KIAA1217: variants seen among roughly 807,000 people sequenced by gnomAD.
KIAA1217 encodes the protein KIAA1217.
A neutral mutation model predicts 163.9 loss-of-function variants in KIAA1217; 88 were observed. The observed-to-expected ratio is 0.54, with a 90% CI of 0.45 to 0.64. The LOEUF is 0.64. Among genes scored for constraint, KIAA1217 ranks in the 30% least tolerant of loss-of-function variants. The probability of loss-of-function intolerance (pLI) is 0.00; values close to 1 mark genes in which losing one functional copy is unlikely to be tolerated. For synonymous variants in KIAA1217, 903 were observed against 923.1 expected (o/e 0.98, Z 0.39); for missense variants, 2,372 against 2,475.0 (o/e 0.96, Z 0.88).
chr10:23,731,053 C>T (rs1163645429), intron 1 of KIAA1217, among the ~76,000 whole-genome samples: 1 of 152,160 alleles, frequency 6.6e-6, no homozygotes. Context: ...TAAGAGGGAA[C>T]ATGTCTTTTA....
intron 2 of KIAA1217, among the ~76,000 whole-genome samples, chr10:24,085,767 G>A (rs1245313825): frequency 2.0e-5 from 3 of 152,100 alleles, no homozygotes; most frequent in African/African-American, 4.8e-5. Context: ...GAGCCCAGGA[G>A]TTTGAGAGCA....
intron 2 of KIAA1217, among the ~76,000 whole-genome samples, chr10:24,076,140 T>C (rs1680867613): frequency 6.6e-6 from 1 of 152,168 alleles, no homozygotes; most frequent in Admixed American, 6.5e-5. Context: ...CCAAGGCAGA[T>C]ATTGGGCTGC....
At chr10:23,857,088 A>G (rs59100149) in intron 1 of KIAA1217, among the ~76,000 whole-genome samples, 1 of 152,076 alleles carries the variant, frequency 6.6e-6, no homozygotes, top group Non-Finnish European at 1.5e-5. Context: ...TGCAGAAATC[A>G]CCCGTCTTCT....
intron 3 of KIAA1217, among the ~76,000 whole-genome samples, chr10:24,404,622 C>A (rs1235682730): frequency 2.0e-5 from 3 of 146,906 alleles, no homozygotes; most frequent in Admixed American, 6.8e-5. Context: ...TGGGACCCAG[C>A]AACTGCAGTC....
At position 24,175,383 on chromosome 10, in the gene KIAA1217, C is replaced by T. The variant is rs117577558; in HGVS notation, c.-170-44243C>T. Among the ~76,000 whole-genome samples, 24 of 152,204 alleles carry T rather than the reference C, an allele frequency of 1.6e-4. No homozygotes were observed. In the East Asian group the frequency reaches 4.5e-3, roughly 28 times the overall value. On this transcript the variant is annotated intron_variant, in intron 2 of 18. Transcript: ENST00000376462. ...ATGATCTCCAATTCCATCCAGGTAGCTGTGAATGCCATTATTTCACTCCTT... is the reference window on the plus strand; with the variant it reads ...ATGATCTCCAATTCCATCCAGGTAGTTGTGAATGCCATTATTTCACTCCTT...
intron 1 of KIAA1217, among the ~76,000 whole-genome samples, chr10:23,953,318 A>T (rs1844420971): frequency 6.6e-6 from 1 of 152,208 alleles, no homozygotes; most frequent in African/African-American, 2.4e-5. Flanking sequence ...GTCAATAACG[A>T]TTCTCCTCCA....
At position 24,499,981 on chromosome 10, in the gene KIAA1217, G is replaced by A. The variant is rs184932325; in HGVS notation, c.1835-1398G>A. On this transcript the variant is annotated intron_variant, in intron 8 of 20. Coordinates refer to ENST00000376454, the MANE Select transcript of KIAA1217 (RefSeq NM_019590.5). Reference sequence around the variant, plus strand: ...AGTTTCAGGGAGCTCCCTGGCTCATGAGCCACTTTGAGCTCCACTGGGGCC... The same window carrying A: ...AGTTTCAGGGAGCTCCCTGGCTCATAAGCCACTTTGAGCTCCACTGGGGCC... Among the ~76,000 whole-genome samples, 883 of 152,268 alleles carry A rather than the reference G, an allele frequency of 5.8e-3. 6 individuals are homozygous for A. Among genetic ancestry groups the A allele is most frequent in the African/African-American group, 0.02 (813 of 41,566 alleles).
Position 24,358,073 on chromosome 10 carries a change from T to C in KIAA1217, c.355-22796T>C, listed in dbSNP as rs188409293. Among the ~76,000 whole-genome samples, 385 of 152,372 alleles carry C rather than the reference T, an allele frequency of 2.5e-3. 9 individuals are homozygous for C. Among genetic ancestry groups the C allele is most frequent in the Admixed American group, 0.024 (360 of 15,302 alleles). On this transcript the variant is annotated intron_variant, in intron 2 of 20. Coordinates refer to ENST00000376454, the MANE Select transcript of KIAA1217 (RefSeq NM_019590.5). ...AAGACTCCCAAGAACCAATGCCTTCTTCCAGCCTTTCATTCATTCATTCTG... is the reference window on the plus strand; with the variant it reads ...AAGACTCCCAAGAACCAATGCCTTCCTCCAGCCTTTCATTCATTCATTCTG...
intron 2 of KIAA1217, among the ~76,000 whole-genome samples, chr10:24,334,790 G>T (rs1483658300): frequency 6.6e-6 from 1 of 152,210 alleles, no homozygotes; most frequent in Admixed American, 6.5e-5. Context: ...AGCACAGAAG[G>T]TTGCAGGCTT....
chr10:24,366,642 TG>T (rs1477842329), intron 2 of KIAA1217, among the ~76,000 whole-genome samples: 1 of 152,198 alleles, frequency 6.6e-6, no homozygotes, highest in Admixed American at 6.5e-5. Context: ...CCCTCCTGCA[TG>T]GCAAAGCATG....
intron 3 of KIAA1217, among the ~76,000 whole-genome samples, chr10:24,386,074 G>A (rs1200962365): frequency 2.0e-5 from 3 of 152,182 alleles, no homozygotes; most frequent in Non-Finnish European, 4.4e-5. Flanking sequence ...AGGAACAACA[G>A]CAGCAACTTC....
intron 1 of KIAA1217, among the ~76,000 whole-genome samples, chr10:23,855,108 C>G (rs1231158927): frequency 6.6e-6 from 1 of 152,100 alleles, no homozygotes; most frequent in African/African-American, 2.4e-5. Context: ...TCTTCCTAGC[C>G]TCGATGGTCT....
intron 6 of KIAA1217, chr10:24,482,458 C>T (rs1323023074): frequency 1.3e-5 from 2 of 152,226 alleles, no homozygotes; most frequent in Admixed American, 6.5e-5. Flanking sequence ...ACAAAATCAG[C>T]TTAATGCAGA....
intron 1 of KIAA1217, among the ~76,000 whole-genome samples, chr10:23,703,012 C>T (rs916836528): frequency 2.6e-5 from 4 of 151,984 alleles, no homozygotes; most frequent in African/African-American, 7.3e-5. Flanking sequence ...CCTTTTTTTG[C>T]CCTCTGTATT....
chr10:24,530,177 G>T (rs927482254), intron 14 of KIAA1217, among the ~76,000 whole-genome samples: 2 of 152,038 alleles, frequency 1.3e-5, no homozygotes, highest in African/African-American at 4.8e-5. Context: ...TTTTATATAG[G>T]TCTCATAACT....
chr10:23,855,200 G>T (rs1292927812), intron 1 of KIAA1217, among the ~76,000 whole-genome samples: 1 of 152,068 alleles, frequency 6.6e-6, no homozygotes, highest in Non-Finnish European at 1.5e-5. Context: ...GCTCTTTTAG[G>T]GCAGGCCTGT....
chr10:24,411,237 G>A (rs2131333245), intron 3 of KIAA1217, among the ~76,000 whole-genome samples: 1 of 152,140 alleles, frequency 6.6e-6, no homozygotes, highest in East Asian at 1.9e-4. Context: ...TTACTGCTGT[G>A]TGTGACTGAG....
intron 2 of KIAA1217, among the ~76,000 whole-genome samples, chr10:24,327,395 G>A (rs2045057906): frequency 6.6e-6 from 1 of 152,146 alleles, no homozygotes; most frequent in South Asian, 2.1e-4. Context: ...TTGATGTAAA[G>A]TCCCCTATAA....
intron 2 of KIAA1217, among the ~76,000 whole-genome samples, chr10:24,066,752 C>G (rs1003067739): frequency 1.3e-5 from 2 of 152,290 alleles, no homozygotes; most frequent in African/African-American, 2.4e-5. Flanking sequence ...CAACTTGGTT[C>G]CATTCTCCCC....
Sources: allele counts gnomAD v4.1 joint callset (sites outside exome capture counted in the v4.1 genomes callset), GRCh38; gene constraint gnomAD v4.1.1; transcripts MANE v1.5; gene names NCBI Gene and HGNC (gene_info 2026-07-23, HGNC 2026-07-21).